DNAJC11: variants seen among roughly 807,000 people sequenced by gnomAD.
DNAJC11 encodes DnaJ heat shock protein family (Hsp40) member C11.
DNAJC11 carries 15 observed loss-of-function variants against 78.6 expected under a neutral mutation model. The observed-to-expected ratio is 0.19, with a 90% confidence interval of 0.13 to 0.29. The LOEUF (loss-of-function observed/expected upper bound fraction) is 0.29, where lower values mean the gene tolerates loss of function less well. Among genes scored for constraint, DNAJC11 ranks in the 10% least tolerant of loss-of-function variants. The pLI is 1.00. For synonymous variants in DNAJC11, 292 were observed against 272.1 expected (o/e 1.07, Z -0.72); for missense variants, 547 against 709.6 (o/e 0.77, Z 2.60).
rs982829836 is a variant in DNAJC11 at position 6,635,424 on chromosome 1, A to G, written c.*251T>C. ...AGGGCCAGAGCCCTTCCCTCCAGGA[A>G]CTGATCCTTGGGAAAACAGCCATGG... On this transcript the variant is annotated 3_prime_UTR_variant, in exon 16 of 16. Coordinates refer to ENST00000377577, the MANE Select transcript of DNAJC11 (RefSeq NM_018198.4). The G allele has an allele frequency of 4.1e-6, 2 of 484,926 alleles. No homozygotes were observed. The highest frequency in any genetic ancestry group is 3.9e-5 in the African/African-American group (2 of 51,416). The allele number at this position is 484,926 out of a possible 1,614,324, so 30.0% of individuals were successfully genotyped here.
At chr1:6,690,503 A>G (rs1244286357) in intron 1 of DNAJC11, among the ~76,000 whole-genome samples, 1 of 152,324 alleles carries the variant, frequency 6.6e-6, no homozygotes, top group Non-Finnish European at 1.5e-5. Flanking sequence ...TGTGCTCTCT[A>G]TCTTCACAAT....
At chr1:6,648,173 G>C (rs1641996399) in intron 7 of DNAJC11, among the ~76,000 whole-genome samples, 1 of 151,154 alleles carries the variant, frequency 6.6e-6, no homozygotes, top group Non-Finnish European at 1.5e-5. Flanking sequence ...TCTTTTTTTT[G>C]AGACAGAGTC....
At chr1:6,666,385 CTTTTTTTTT>C (rs767579276) in intron 4 of DNAJC11, among the ~76,000 whole-genome samples, 14 of 120,594 alleles carry the variant, frequency 1.2e-4, no homozygotes, top group Non-Finnish European at 1.8e-4. Flanking sequence ...TCTTTCTTTT[CTTTTTTTTT>C]TTTTTTTTTT....
At chr1:6,637,753 G>A (rs1477778689) in intron 12 of DNAJC11, 1 of 578,596 alleles carries the variant, frequency 1.7e-6, no homozygotes, top group Non-Finnish European at 3.1e-6. Context: ...GTGGCCACCG[G>A]TGGGAGCTCC....
chr1:6,682,414 G>C (rs1642568825), intron 1 of DNAJC11, among the ~76,000 whole-genome samples: 1 of 152,146 alleles, frequency 6.6e-6, no homozygotes, highest in Non-Finnish European at 1.5e-5. Context: ...GACTCCAAGA[G>C]GAAGACAATA....
chr1:6,693,586 G>GT (rs1227737916), intron 1 of DNAJC11, among the ~76,000 whole-genome samples: 1 of 152,000 alleles, frequency 6.6e-6, no homozygotes, highest in Non-Finnish European at 1.5e-5. Flanking sequence ...GTTTCACCAT[G>GT]TTGGCCAGGC....
At chr1:6,651,341 C>T (rs1409496991) in intron 7 of DNAJC11, among the ~76,000 whole-genome samples, 188 bp downstream of exon 7, 6 of 152,226 alleles carry the variant, frequency 3.9e-5, no homozygotes, top group Non-Finnish European at 8.8e-5. Flanking sequence ...CCGGCCCCCT[C>T]AATCCTGCCT....
intron 11 of DNAJC11, among the ~76,000 whole-genome samples, chr1:6,639,486 C>T (rs1054605541): frequency 5.9e-5 from 9 of 152,160 alleles, no homozygotes; most frequent in Non-Finnish European, 7.4e-5. Context: ...CGTGCCACCA[C>T]GCCCGGCTAA....
intron 11 of DNAJC11, among the ~76,000 whole-genome samples, chr1:6,639,033 T>C (rs1258793548): frequency 6.6e-6 from 1 of 152,220 alleles, no homozygotes; most frequent in East Asian, 1.9e-4. Flanking sequence ...TTCATTCCTT[T>C]ATCTGAGATT....
chr1:6,634,649 G>C lies in DNAJC11; in HGVS notation c.*1026C>G. On this transcript the variant is annotated 3_prime_UTR_variant, in exon 16 of 16. Coordinates refer to ENST00000377577, the MANE Select transcript of DNAJC11 (RefSeq NM_018198.4). ...CTGCAGCCGAGGTCCAGGCCGTGGA[G>C]GGGGTCCTAGCTCCGCTGCATTCTG... 1 of 1,366,506 alleles carries C rather than the reference G, an allele frequency of 7.3e-7. No homozygotes were observed. The highest frequency in any genetic ancestry group is 9.8e-7 in the Non-Finnish European group (1 of 1,021,850). 84.6% of individuals were successfully genotyped at this position (1,366,506 alleles called of 1,614,324 possible).
At chr1:6,687,379 CAG>C (rs1172289998) in intron 1 of DNAJC11, among the ~76,000 whole-genome samples, 1 of 116,558 alleles carries the variant, frequency 8.6e-6, no homozygotes, top group East Asian at 2.8e-4. Flanking sequence ...TTTTTTGAGA[CAG>C]AGTCTCGCTC....
chr1:6,653,770 CTTTTT>C lies in DNAJC11; in HGVS notation c.507+136_507+140del. ...CACACGGCTGGGAATGAAGCGCTTT[CTTTTT>C]TAAGTGGCTAATTGCATCCTTTCAT... On this transcript the variant is annotated intron_variant, in intron 5 of 15. Coordinates refer to ENST00000377577, the MANE Select transcript of DNAJC11 (RefSeq NM_018198.4). The surrounding 1 kb of genome is among the most constrained non-coding windows in gnomAD (Gnocchi z 4.5). 2 of 1,179,992 alleles carry C rather than the reference CTTTTT, an allele frequency of 1.7e-6. No homozygotes were observed. The highest frequency in any genetic ancestry group is 2.4e-6 in the Non-Finnish European group (2 of 845,112). The allele number at this position is 1,179,992 out of a possible 1,614,324, so 73.1% of individuals were successfully genotyped here.
intron 10 of DNAJC11, among the ~76,000 whole-genome samples, chr1:6,641,387 A>AT (rs1557465885): frequency 1.3e-4 from 18 of 139,802 alleles, no homozygotes; most frequent in Admixed American, 3.9e-4. Context: ...CAAAAAAAAA[A>AT]AAAATATATA....
At chr1:6,646,893 C>A (rs1641974144) in intron 7 of DNAJC11, among the ~76,000 whole-genome samples, 1 of 152,010 alleles carries the variant, frequency 6.6e-6, no homozygotes, top group South Asian at 2.1e-4. Flanking sequence ...CATTGGCTCA[C>A]ACCTGTAACC....
At chr1:6,642,646 C>T (rs114244719) in intron 10 of DNAJC11, among the ~76,000 whole-genome samples, 3 of 152,054 alleles carry the variant, frequency 2.0e-5, no homozygotes, top group Non-Finnish European at 2.9e-5. Context: ...TCAAAACCAA[C>T]CTGGGCAACC....
chr1:6,693,661 C>A, intron 1 of DNAJC11, among the ~76,000 whole-genome samples: 1 of 152,098 alleles, frequency 6.6e-6, no homozygotes, highest in Non-Finnish European at 1.5e-5. Flanking sequence ...GGATTACAGG[C>A]ATGAGCCACC....
chr1:6,644,845 C>T (rs192753474), intron 9 of DNAJC11, among the ~76,000 whole-genome samples, 171 bp from the exon 10 acceptor site: 6 of 152,316 alleles, frequency 3.9e-5, no homozygotes, highest in Admixed American at 2.6e-4. Context: ...CTAGTTCTTC[C>T]ACAACACTCT....
At chr1:6,689,774 CAA>C (rs111794307) in intron 1 of DNAJC11, among the ~76,000 whole-genome samples, 13 of 125,698 alleles carry the variant, frequency 1.0e-4, no homozygotes, top group Non-Finnish European at 8.5e-5. Context: ...GAAACTCCGT[CAA>C]AAAAAAAAAA....
chr1:6,667,857 AAG>A, intron 3 of DNAJC11, 47 bp from the exon 4 acceptor site: 2 of 1,557,558 alleles, frequency 1.3e-6, no homozygotes, highest in Non-Finnish European at 1.8e-6. Context: ...CCCAGGAGGT[AAG>A]GGAAACGTAC....
Sources: gnomAD v4.1 joint callset for allele counts (sites outside exome capture counted in the v4.1 genomes callset) on GRCh38, gnomAD v4.1.1 for gene constraint, Gnocchi (gnomAD v3.1) non-coding constraint, MANE v1.5 for transcripts, NCBI Gene and HGNC (gene_info 2026-07-23, HGNC 2026-07-21) for gene names.